Variants in DNAH9 observed in about 807,000 individuals in gnomAD.
DNAH9 encodes DNAH9 variant protein.
In DNAH9, 345 loss-of-function variants were observed where a neutral mutation model predicts 471.6. That is an observed-to-expected ratio of 0.73 (90% CI 0.67 to 0.80). The LOEUF (loss-of-function observed/expected upper bound fraction) is 0.80. Among genes scored for constraint, DNAH9 ranks in the 30% least tolerant of loss-of-function variants. DNAH9 has a pLI of 0.00. For missense variants in DNAH9, 5,407 were observed against 5,609.2 expected, an observed-to-expected ratio of 0.96 and a Z score of 1.15; for synonymous variants, 2,093 against 2,123.6, an observed-to-expected ratio of 0.99 and a Z score of 0.40.
At chr17:11,740,054 C>G (rs1018744285) in intron 29 of DNAH9, among the ~76,000 whole-genome samples, 1 of 152,156 alleles carries the variant, frequency 6.6e-6, no homozygotes, top group Non-Finnish European at 1.5e-5. Flanking sequence ...GCTGGGGTGA[C>G]GGGGCCTTCT....
chr17:11,743,833 A>AT (rs113809412), intron 30 of DNAH9, among the ~76,000 whole-genome samples: 3,298 of 142,918 alleles, frequency 0.023, 98 homozygotes, highest in African/African-American at 0.069. Flanking sequence ...CCTTGGCTGC[A>AT]TTTTTTTTTT....
intron 45 of DNAH9, among the ~76,000 whole-genome samples, chr17:11,811,811 C>A (rs1006454099): frequency 1.6e-4 from 24 of 151,006 alleles, no homozygotes; most frequent in Middle Eastern, 3.4e-3. Flanking sequence ...CTGCTCAGAA[C>A]CAATATCTCC....
chr17:11,882,673 C>G (rs1241201573), intron 55 of DNAH9, among the ~76,000 whole-genome samples: 1 of 152,094 alleles, frequency 6.6e-6, no homozygotes, highest in Admixed American at 6.6e-5. Context: ...AAAACAGCAA[C>G]GTAAACAAAT....
intron 39 of DNAH9, among the ~76,000 whole-genome samples, chr17:11,781,497 C>T (rs1474978566): frequency 6.6e-6 from 1 of 152,232 alleles, no homozygotes; most frequent in African/African-American, 2.4e-5. Flanking sequence ...ACCACTTCCC[C>T]TGCACCATGG....
intron 45 of DNAH9, among the ~76,000 whole-genome samples, chr17:11,811,977 G>T (rs953182905): frequency 8.1e-4 from 75 of 92,286 alleles, no homozygotes; most frequent in African/African-American, 2.8e-3. Context: ...GTGACTGAGT[G>T]AGACTCTGTC....
At chr17:11,911,127 A>C (rs1973782304) in intron 61 of DNAH9, among the ~76,000 whole-genome samples, 1 of 152,206 alleles carries the variant, frequency 6.6e-6, no homozygotes, top group Non-Finnish European at 1.5e-5. Flanking sequence ...AAGGTCACAA[A>C]GATTTACTCT....
At chr17:11,709,493 C>G (rs922874250) in intron 26 of DNAH9, among the ~76,000 whole-genome samples, 1 of 152,090 alleles carries the variant, frequency 6.6e-6, no homozygotes, top group African/African-American at 2.4e-5. Flanking sequence ...TCTCTCCTGC[C>G]CGAAGAATTA....
chr17:11,881,297 C>T lies in DNAH9; in HGVS notation c.10690C>T (p.Pro3564Ser). ...HTKLANPHYQ[P>S]ELQAQATLIN... ...CAAGCTGGCTAATCCTCACTACCAG[C>T]CTGAGCTGCAGGCTCAGGCCACCCT... Residue 3564 changes from proline to serine, a missense_variant, in exon 55 of 69, where the codon CCT becomes TCT. Pro to Ser is a moderately conservative substitution (Grantham distance 74). Transcript: ENST00000262442. 6.2e-7 allele frequency: 1 copy of T among 1,614,212 alleles called. No individual in the cohort carries two copies. Among genetic ancestry groups the T allele is most frequent in the Non-Finnish European group, 8.5e-7 (1 of 1,180,046 alleles).
chr17:11,875,093 C>T lies in DNAH9; in HGVS notation c.10387C>T (p.Pro3463Ser), dbSNP rs767512727. Residue 3463 changes from proline (P) to serine (S), a missense_variant, in exon 53 of 69, where the codon CCA becomes TCA. Physicochemically the swap from Pro to Ser is moderately conservative, Grantham distance 74 (BLOSUM62 -1). Coordinates refer to ENST00000262442, the MANE Select transcript of DNAH9 (RefSeq NM_001372.4). ...ATILINCERW[P>S]LMVDPQLQGI... ...CATTCTCATCAACTGTGAGCGCTGG[C>T]CACTCATGGTTGACCCTCAGCTACA... 1.9e-6 allele frequency: 3 copies of T among 1,614,088 alleles called. No individual in the cohort carries two copies. The highest frequency in any genetic ancestry group is 2.5e-6 in the Non-Finnish European group (3 of 1,180,010).
intron 42 of DNAH9, 34 bp downstream of exon 42, chr17:11,793,698 GAAAA>G: frequency 8.9e-7 from 1 of 1,122,968 alleles, no homozygotes. Flanking sequence ...CTTTGTATTT[GAAAA>G]AAAAAAAGAT....
At chr17:11,644,586 A>T in intron 10 of DNAH9, 45 bp from the exon 11 acceptor site, 1 of 1,413,272 alleles carries the variant, frequency 7.1e-7, no homozygotes, top group Non-Finnish European at 1.0e-6. Flanking sequence ...TTATTACTTT[A>T]ACTTCTTCTA....
chr17:11,948,292 G>T (rs1172454436), intron 67 of DNAH9, among the ~76,000 whole-genome samples: 1 of 133,024 alleles, frequency 7.5e-6, no homozygotes, highest in Non-Finnish European at 1.5e-5. Context: ...GCAGTGACAC[G>T]ATCTCGGCTC....
chr17:11,769,705 A>G (rs1968122975), intron 38 of DNAH9, among the ~76,000 whole-genome samples: 2 of 152,088 alleles, frequency 1.3e-5, no homozygotes, highest in South Asian at 2.1e-4. Flanking sequence ...TTCATCTCTC[A>G]TATGTTATGG....
At chr17:11,654,149 A>T in intron 14 of DNAH9, among the ~76,000 whole-genome samples, 1 of 68,564 alleles carries the variant, frequency 1.5e-5, no homozygotes. Flanking sequence ...AGGTCAGGAG[A>T]TCGAGACCAT....
chr17:11,820,629 T>A (rs2150939133), intron 45 of DNAH9, among the ~76,000 whole-genome samples: 1 of 152,250 alleles, frequency 6.6e-6, no homozygotes, highest in African/African-American at 2.4e-5. Context: ...ACCCCATCTA[T>A]CTATTGAATT....
At chr17:11,874,466 C>A (rs1176785252) in intron 52 of DNAH9, among the ~76,000 whole-genome samples, 1 of 152,076 alleles carries the variant, frequency 6.6e-6, no homozygotes, top group Non-Finnish European at 1.5e-5. Flanking sequence ...GAAAACCCGT[C>A]CAGCCTCTTG....
intron 67 of DNAH9, among the ~76,000 whole-genome samples, chr17:11,954,771 A>C: frequency 1.3e-5 from 1 of 78,250 alleles, no homozygotes; most frequent in East Asian, 3.4e-4. Context: ...CTTCGTCTTA[A>C]AAAAAAAAAA....
chr17:11,795,282 G>A (rs1476158015), intron 42 of DNAH9, among the ~76,000 whole-genome samples: 4 of 152,034 alleles, frequency 2.6e-5, no homozygotes, highest in South Asian at 2.1e-4. Flanking sequence ...ATTTCTTAGC[G>A]TCGAAATTAC....
intron 61 of DNAH9, among the ~76,000 whole-genome samples, chr17:11,918,205 T>TTTTGTTTTGTTTTG (rs77386859): frequency 1.4e-5 from 2 of 147,776 alleles, no homozygotes; most frequent in East Asian, 4.1e-4. Flanking sequence ...GTTGGGTGTT[T>TTTTGTTTTGTTTTG]TTTTGTTTTG....
Sources: gnomAD v4.1 joint callset for allele counts (sites outside exome capture counted in the v4.1 genomes callset) on GRCh38, gnomAD v4.1.1 for gene constraint, MANE v1.5 for transcripts, NCBI Gene and HGNC (gene_info 2026-07-23, HGNC 2026-07-21) for gene names.